The following ASCC1 variants were observed in gnomAD, a reference collection of about 807,000 sequenced individuals.
ASCC1 encodes the protein activating signal cointegrator 1 complex subunit 1, also known as ASC-1 complex subunit P50.
Under a neutral mutation model 46.6 loss-of-function variants are expected in ASCC1, and 35 were observed. The observed-to-expected ratio is 0.75, with a 90% CI of 0.57 to 0.99. The LOEUF (loss-of-function observed/expected upper bound fraction) is 0.99, where lower values mean the gene tolerates loss of function less well. Ranked by LOEUF, ASCC1 falls within the 50% of genes least tolerant of loss-of-function variation. The pLI, the probability that ASCC1 is intolerant of heterozygous loss-of-function variation, is 0.00. For missense variants in ASCC1, 376 were observed against 428.7 expected (o/e 0.88, Z 1.09); for synonymous variants, 143 against 146.6 (o/e 0.98, Z 0.18).
chr10:72,146,591 C>T (rs554794801), intron 7 of ASCC1, among the ~76,000 whole-genome samples: 3 of 152,134 alleles, frequency 2.0e-5, no homozygotes, highest in Non-Finnish European at 2.9e-5. Flanking sequence ...ACAGACAAAA[C>T]AGAATAGCCA....
At chr10:72,176,662 C>T (rs1851892307) in intron 5 of ASCC1, among the ~76,000 whole-genome samples, 1 of 152,038 alleles carries the variant, frequency 6.6e-6, no homozygotes, top group African/African-American at 2.4e-5. Flanking sequence ...TTTTCTTACT[C>T]TCTATAGGAT....
intron 5 of ASCC1, among the ~76,000 whole-genome samples, chr10:72,179,449 C>T (rs1398316709): frequency 1.3e-5 from 2 of 152,202 alleles, no homozygotes; most frequent in East Asian, 3.8e-4. Context: ...AAAATGTCTT[C>T]AATTGTTTAA....
At position 72,097,063 on chromosome 10, in the gene ASCC1, T is replaced by C. The variant is rs904043107; in HGVS notation, c.*271A>G. 2.0e-6 allele frequency: 1 copy of C among 493,896 alleles called. No homozygotes were observed. The highest frequency in any genetic ancestry group is 4.0e-6 in the Non-Finnish European group (1 of 253,082). 30.6% of individuals were successfully genotyped at this position (493,896 alleles called of 1,614,324 possible). A position where few individuals can be genotyped will look rare whatever the true frequency, so the allele number is the denominator to read the frequency against. On this transcript the variant is annotated 3_prime_UTR_variant, in exon 10 of 10. Transcript: ENST00000672957. ...TAAAAATGGTGAAGACAGTATGTTT[T>C]ATGAGTATTTTACGACAATTTAAAA...
At chr10:72,102,237 C>T (rs1219327711) in intron 9 of ASCC1, 1 of 1,060,588 alleles carries the variant, frequency 9.4e-7, no homozygotes, top group Non-Finnish European at 1.4e-6. Flanking sequence ...GTATATGAGG[C>T]TGCCATTGAC....
At chr10:72,143,246 T>C (rs1847246889) in intron 7 of ASCC1, among the ~76,000 whole-genome samples, 1 of 152,168 alleles carries the variant, frequency 6.6e-6, no homozygotes, top group Non-Finnish European at 1.5e-5. Context: ...ATAATTTTTG[T>C]TGCTACTATA....
chr10:72,103,706 G>A (rs1589160009), intron 9 of ASCC1, among the ~76,000 whole-genome samples: 2 of 151,992 alleles, frequency 1.3e-5, no homozygotes, highest in African/African-American at 4.8e-5. Flanking sequence ...ACCCTCATTC[G>A]ACAGATACCC....
At chr10:72,216,975 C>A (rs1294768974), upstream of ASCC1, 1 of 455,916 alleles carries the variant, frequency 2.2e-6, no homozygotes, top group Non-Finnish European at 4.4e-6. Flanking sequence ...TGATCCAATA[C>A]TCATGACACA....
chr10:72,168,155 C>G (rs560025749), intron 5 of ASCC1, among the ~76,000 whole-genome samples: 19 of 152,242 alleles, frequency 1.2e-4, no homozygotes, highest in African/African-American at 4.3e-4. Flanking sequence ...CGTGCCATTG[C>G]ACTCCAGTCT....
chr10:72,121,657 G>A (rs1236463866), intron 9 of ASCC1, among the ~76,000 whole-genome samples: 1 of 152,100 alleles, frequency 6.6e-6, no homozygotes, highest in Non-Finnish European at 1.5e-5. Context: ...GAATAAAGAG[G>A]AGCAATACAT....
intron 4 of ASCC1, among the ~76,000 whole-genome samples, chr10:72,201,869 TAG>T (rs1172487721): frequency 1.3e-5 from 2 of 151,516 alleles, no homozygotes; most frequent in African/African-American, 4.8e-5. Flanking sequence ...GTCCAGGAGG[TAG>T]AGTCTACACT....
chr10:72,176,857 C>T (rs1851917856), intron 5 of ASCC1, among the ~76,000 whole-genome samples: 1 of 152,078 alleles, frequency 6.6e-6, no homozygotes, highest in Non-Finnish European at 1.5e-5. Flanking sequence ...TCCCTGCCCC[C>T]ATTTGCCAGC....
chr10:72,203,864 TC>T (rs1429361724), intron 3 of ASCC1, among the ~76,000 whole-genome samples: 1 of 152,130 alleles, frequency 6.6e-6, no homozygotes, highest in African/African-American at 2.4e-5. Flanking sequence ...ACACCTGTAA[TC>T]CCTGCTACTC....
chr10:72,099,251 G>A (rs1841440226), intron 9 of ASCC1, among the ~76,000 whole-genome samples: 1 of 152,198 alleles, frequency 6.6e-6, no homozygotes, highest in Admixed American at 6.5e-5. Flanking sequence ...GCATGAATCT[G>A]CCAGGGATAT....
At chr10:72,143,179 A>AG (rs1448147715) in intron 7 of ASCC1, among the ~76,000 whole-genome samples, 1 of 152,010 alleles carries the variant, frequency 6.6e-6, no homozygotes, top group African/African-American at 2.4e-5. Context: ...AAAAAAAAAA[A>AG]AAAGGTATTA....
chr10:72,155,994 C>A (rs1848911370), intron 6 of ASCC1, among the ~76,000 whole-genome samples: 1 of 152,202 alleles, frequency 6.6e-6, no homozygotes, highest in African/African-American at 2.4e-5. Context: ...AGAATATGGT[C>A]ACAGGCTGAT....
intron 4 of ASCC1, among the ~76,000 whole-genome samples, chr10:72,201,724 G>A (rs1856529393): frequency 1.3e-5 from 2 of 151,918 alleles, no homozygotes; most frequent in Non-Finnish European, 2.9e-5. Context: ...GATCGCTTGA[G>A]CTCAGGAGTT....
chr10:72,204,345 C>G, intron 3 of ASCC1: 1 of 1,533,774 alleles, frequency 6.5e-7, no homozygotes, highest in Non-Finnish European at 8.8e-7. Flanking sequence ...CTCGACTACC[C>G]CATGAAGACG....
At chr10:72,199,401 A>C (rs1289212094) in intron 4 of ASCC1, among the ~76,000 whole-genome samples, 2 of 147,562 alleles carry the variant, frequency 1.4e-5, no homozygotes, top group African/African-American at 2.5e-5. Flanking sequence ...GGGTTCAAGC[A>C]ACTCTCCTGC....
chr10:72,199,080 G>C (rs926402831), intron 4 of ASCC1, among the ~76,000 whole-genome samples: 3 of 151,774 alleles, frequency 2.0e-5, no homozygotes, highest in African/African-American at 7.3e-5. Context: ...CTCCCAAAAT[G>C]CTAGGATTAC....
Sources: gnomAD v4.1 joint callset for allele counts (sites outside exome capture counted in the v4.1 genomes callset) on GRCh38, gnomAD v4.1.1 for gene constraint, MANE v1.5 for transcripts, NCBI Gene and HGNC (gene_info 2026-07-23, HGNC 2026-07-21) for gene names.